The following SMARCC1 variants were observed in gnomAD, a reference collection of about 807,000 sequenced individuals.
SMARCC1 encodes SWI/SNF complex subunit SMARCC1.
Under a neutral mutation model 147.4 loss-of-function variants are expected in SMARCC1, and 43 were observed. That is an observed-to-expected ratio of 0.29 (90% CI 0.23 to 0.38). The LOEUF is 0.38. Ranked by LOEUF, SMARCC1 falls within the 10% of genes least tolerant of loss-of-function variation. The pLI, the probability that SMARCC1 is intolerant of heterozygous loss-of-function variation, is 1.00. For synonymous variants in SMARCC1, 495 were observed against 484.4 expected (o/e 1.02, Z -0.29); for missense variants, 1,119 against 1,381.1 (o/e 0.81, Z 3.01).
chr3:47,671,197 A>AAAAAAAAAAC (rs1157129603), intron 18 of SMARCC1, among the ~76,000 whole-genome samples: 12 of 62,334 alleles, frequency 1.9e-4, no homozygotes, highest in Admixed American at 3.7e-4. Context: ...AAAAAAAAAA[A>AAAAAAAAAAC]ACACACACAA....
chr3:47,745,891 C>A lies in SMARCC1; in HGVS notation c.401+17G>T. ...ATAACTTAAGATCAAAACATGCAAA[C>A]AAATACAAAAACTTACCATCCCTGT... On this transcript the variant is annotated intron_variant, in intron 3 of 27. Coordinates refer to ENST00000254480, the MANE Select transcript of SMARCC1 (RefSeq NM_003074.4). 6.8e-7 allele frequency: 1 copy of A among 1,471,346 alleles called. No homozygotes were observed. Among genetic ancestry groups the A allele is most frequent in the Non-Finnish European group, 9.2e-7 (1 of 1,090,792 alleles). 91.1% of individuals were successfully genotyped at this position (1,471,346 alleles called of 1,614,324 possible).
At chr3:47,622,520 T>G (rs557133065) in intron 24 of SMARCC1, among the ~76,000 whole-genome samples, 179 bp from the exon 25 acceptor site, 1 of 152,136 alleles carries the variant, frequency 6.6e-6, no homozygotes, top group Non-Finnish European at 1.5e-5. Flanking sequence ...TAGAGATAAA[T>G]CAACCCTTAA....
chr3:47,771,884 C>T (rs1478775227), intron 2 of SMARCC1, among the ~76,000 whole-genome samples: 1 of 151,782 alleles, frequency 6.6e-6, no homozygotes, highest in Admixed American at 6.6e-5. Flanking sequence ...GAGTTCAAGA[C>T]CAGCCTGGCC....
intron 3 of SMARCC1, among the ~76,000 whole-genome samples, chr3:47,743,800 G>A (rs1281731710): frequency 2.7e-5 from 4 of 147,436 alleles, no homozygotes; most frequent in South Asian, 2.1e-4. Context: ...GTGACAGAGC[G>A]AGACTATGTC....
chr3:47,689,538 GCATT>G, intron 12 of SMARCC1, 114 bp from the exon 13 acceptor site: 1 of 871,508 alleles, frequency 1.1e-6, no homozygotes, highest in South Asian at 1.4e-5. Context: ...ATGAAATAGT[GCATT>G]ATTAAAGCAA....
intron 3 of SMARCC1, among the ~76,000 whole-genome samples, chr3:47,743,899 C>T (rs992634427): frequency 4.0e-5 from 6 of 151,834 alleles, no homozygotes; most frequent in Non-Finnish European, 8.8e-5. Context: ...AATCATATCA[C>T]TTTGGTATTC....
chr3:47,704,041 G>A (rs1310377189), intron 10 of SMARCC1, among the ~76,000 whole-genome samples: 1 of 151,940 alleles, frequency 6.6e-6, no homozygotes, highest in Non-Finnish European at 1.5e-5. Context: ...CTCGTGATCC[G>A]CCCGTCTCGG....
At position 47,745,973 on chromosome 3, in the gene SMARCC1, G is replaced by A; in HGVS notation, c.336C>T (p.Phe112=). The A allele has an allele frequency of 6.3e-7, 1 of 1,581,018 alleles. No individual in the cohort carries two copies. Reference sequence around the variant, plus strand: ...TGTGACATAAGGCGCCTCCAGCTTTGAAATCCATGAAACACTTTGCCTAAA... The same window carrying A: ...TGTGACATAAGGCGCCTCCAGCTTTAAAATCCATGAAACACTTTGCCTAAA... The part of the protein sequence containing the change: ...TKLPAKCFMD[F]KAGGALCHIL... Residue 112 remains phenylalanine (F), a synonymous_variant, in exon 3 of 28, where the codon TTC becomes TTT. Transcript: ENST00000254480.
intron 2 of SMARCC1, among the ~76,000 whole-genome samples, chr3:47,750,150 T>G (rs972027700): frequency 2.7e-5 from 4 of 150,328 alleles, no homozygotes. Context: ...AATAGACTAA[T>G]GTAGGCTGGG....
At chr3:47,597,583 C>G (rs1003928091) in intron 26 of SMARCC1, among the ~76,000 whole-genome samples, 1 of 152,194 alleles carries the variant, frequency 6.6e-6, no homozygotes, top group Admixed American at 6.5e-5. Flanking sequence ...GCCTCGGCCT[C>G]CCAAAGTGCT....
intron 11 of SMARCC1, among the ~76,000 whole-genome samples, chr3:47,695,866 A>G (rs2033842788): frequency 2.1e-5 from 1 of 47,932 alleles, no homozygotes; most frequent in Non-Finnish European, 4.1e-5. Flanking sequence ...CAGGAGTTCA[A>G]GACCTGCCTG....
chr3:47,764,470 T>G lies in SMARCC1; in HGVS notation c.315+8347A>C, dbSNP rs116336550. ...ATGAAACATCAATCAAATAAATAAG[T>G]ACAATGTCAGTGAACTCAGGTTTCT... On this transcript the variant is annotated intron_variant, in intron 2 of 27. Coordinates refer to ENST00000254480, the MANE Select transcript of SMARCC1 (RefSeq NM_003074.4). Among the ~76,000 whole-genome samples the G allele has an allele frequency of 4.2e-3, 643 of 152,258 alleles. 7 individuals carry two copies. The highest frequency in any genetic ancestry group is 0.015 in the African/African-American group (620 of 41,558).
intron 25 of SMARCC1, among the ~76,000 whole-genome samples, chr3:47,618,237 G>T (rs1429360055): frequency 6.6e-6 from 1 of 152,166 alleles, no homozygotes; most frequent in South Asian, 2.1e-4. Context: ...TGATTAGAAA[G>T]TAACATTTTT....
In SMARCC1 at chr3:47,772,699, T is replaced by G. The variant is rs1256590545; in HGVS notation, c.315+118A>C. On this transcript the variant is annotated intron_variant, in intron 2 of 27. Coordinates refer to ENST00000254480, the MANE Select transcript of SMARCC1 (RefSeq NM_003074.4). ...ATATTCTATAACTAAAATTTGTTTT[T>G]TGCTTTTTTTTTTTAAATTCTACAC... 3.9e-6 allele frequency: 4 copies of G among 1,014,310 alleles called. No individual in the cohort carries two copies. The African/African-American group carries it at 4.9e-5, about 12-fold the overall frequency. The allele number at this position is 1,014,310 out of a possible 1,614,324, so 62.8% of individuals were successfully genotyped here. A position where few individuals can be genotyped will look rare whatever the true frequency, so the allele number is the denominator to read the frequency against.
At chr3:47,647,791 C>A (rs890548831) in intron 21 of SMARCC1, among the ~76,000 whole-genome samples, 2 of 152,198 alleles carry the variant, frequency 1.3e-5, no homozygotes, top group African/African-American at 4.8e-5. Context: ...AAGCTCACAA[C>A]CTTTGGCATC....
At chr3:47,743,796 G>A (rs984483423) in intron 3 of SMARCC1, among the ~76,000 whole-genome samples, 1 of 148,816 alleles carries the variant, frequency 6.7e-6, no homozygotes, top group African/African-American at 2.5e-5. Context: ...CTGGGTGACA[G>A]AGCGAGACTA....
intron 21 of SMARCC1, among the ~76,000 whole-genome samples, chr3:47,640,036 C>G (rs893689370): frequency 1.3e-5 from 2 of 152,096 alleles, no homozygotes; most frequent in Non-Finnish European, 2.9e-5. Context: ...TTTCTCCAAC[C>G]ACAATGCAAT....
chr3:47,636,181 C>T, intron 22 of SMARCC1, 45 bp from the exon 23 acceptor site: 1 of 1,036,444 alleles, frequency 9.6e-7, no homozygotes. Context: ...AACAAAAAAA[C>T]CCCAGACCTT....
At chr3:47,611,527 T>C (rs1338226931) in intron 25 of SMARCC1, among the ~76,000 whole-genome samples, 1 of 152,166 alleles carries the variant, frequency 6.6e-6, no homozygotes, top group Non-Finnish European at 1.5e-5. Context: ...TACTAGAAAA[T>C]TTTAGTTATA....
Sources: allele counts gnomAD v4.1 joint callset (sites outside exome capture counted in the v4.1 genomes callset), GRCh38; gene constraint gnomAD v4.1.1; transcripts MANE v1.5; gene names NCBI Gene and HGNC (gene_info 2026-07-23, HGNC 2026-07-21).